The following KRT86 variants were observed in gnomAD, a reference collection of about 807,000 sequenced individuals.
KRT86 encodes the protein keratin, type II cuticular Hb6.
In KRT86, 30 loss-of-function variants were observed where a neutral mutation model predicts 41.2. That is an observed-to-expected ratio of 0.73 (90% CI 0.54 to 0.99). The LOEUF (loss-of-function observed/expected upper bound fraction) is 0.99, where lower values mean the gene tolerates loss of function less well. Among genes scored for constraint, KRT86 ranks in the 50% least tolerant of loss-of-function variants. The probability of loss-of-function intolerance (pLI) is 0.00; values close to 1 mark genes in which losing one functional copy is unlikely to be tolerated. For missense variants in KRT86, 561 were observed against 571.4 expected (o/e 0.98, Z 0.19); for synonymous variants, 238 against 238.1 (o/e 1.00, Z 0.00).
chr12:52,281,071 G>A (rs1211874053), intron 2 of KRT86, among the ~76,000 whole-genome samples: 1 of 152,198 alleles, frequency 6.6e-6, no homozygotes, highest in Non-Finnish European at 1.5e-5. Flanking sequence ...AGCAATGTTT[G>A]TGGTTTGGAG....
intron 2 of KRT86, among the ~76,000 whole-genome samples, chr12:52,282,609 G>A (rs1212310711): frequency 6.6e-6 from 1 of 152,222 alleles, no homozygotes; most frequent in Non-Finnish European, 1.5e-5. Context: ...CACCTGGAGT[G>A]AGAGTGACCA....
intron 2 of KRT86, chr12:52,277,621 C>G (rs912023341): frequency 1.3e-5 from 2 of 152,384 alleles, no homozygotes; most frequent in African/African-American, 4.8e-5. Context: ...GCGAGCTAAG[C>G]AGGATGTGAT....
At chr12:52,287,920 T>C in intron 2 of KRT86, 1 of 1,613,542 alleles carries the variant, frequency 6.2e-7, no homozygotes, top group Non-Finnish European at 8.5e-7. Flanking sequence ...GGAAGCCTAT[T>C]TAATAGATAT....
rs759097243 is a variant in KRT86 at position 52,308,582 on chromosome 12, C to T, written c.1458C>T (p.Cys486=). 6.3e-7 allele frequency: 1 copy of T among 1,596,832 alleles called. No homozygotes were observed. Among genetic ancestry groups the T allele is most frequent in the Non-Finnish European group, 8.5e-7 (1 of 1,179,112 alleles). Residue 486 remains cysteine, a synonymous_variant, in exon 11 of 11, where the codon TGC becomes TGT. Coordinates refer to ENST00000423955, the MANE Select transcript of KRT86 (RefSeq NM_001320198.2). ...TCTGCGGCGGCAGCTGTAAGAGGTG[C>T]TAGGAGGCTGCCGCCTCCGCCAGCG... ...VGVCGGSCKR[C] is the part of the protein sequence containing the mutation.
At position 52,283,731 on chromosome 12, in the gene KRT86, C is replaced by T. The variant is rs188397546; in HGVS notation, c.-5+7785C>T. Among the ~76,000 whole-genome samples, 292 of 151,648 alleles carry T rather than the reference C, an allele frequency of 1.9e-3. 1 individual carries two copies. The highest frequency in any genetic ancestry group is 1.8e-3 in the Non-Finnish European group (120 of 67,860). On this transcript the variant is annotated intron_variant, in intron 2 of 10. Transcript: ENST00000423955. ...CTGACCTCAGGTGATCTGCCCACCT[C>T]GGCCTCCCAAAGTGCTGGGATTACA...
At chr12:52,304,827 C>G in intron 5 of KRT86, 105 bp from the exon 6 acceptor site, 1 of 1,261,298 alleles carries the variant, frequency 7.9e-7, no homozygotes, top group East Asian at 2.3e-5. Flanking sequence ...GAATGAGACA[C>G]TGGGGACTCC....
chr12:52,291,647 A>G, intron 2 of KRT86: 1 of 870,808 alleles, frequency 1.1e-6, no homozygotes, highest in Non-Finnish European at 1.7e-6. Flanking sequence ...AGCCGGGTCT[A>G]ACGCCTCTCC....
Position 52,308,389 on chromosome 12 carries a change from C to T in KRT86, c.1280-15C>T, listed in dbSNP as rs1565751527. ...GGCTGCGCCTGACGCGCGCCTCCGT[C>T]TCTTTCCCCTGCAGGCGTCAGCAGC... On this transcript the variant is annotated splice_polypyrimidine_tract_variant and intron_variant, in intron 10 of 10. Transcript: ENST00000423955. The T allele has an allele frequency of 4.3e-6, 7 of 1,611,428 alleles. No homozygotes were observed. Among genetic ancestry groups the T allele is most frequent in the Non-Finnish European group, 5.9e-6 (7 of 1,179,364 alleles).
chr12:52,304,433 T>C (rs1335659162), intron 5 of KRT86, among the ~76,000 whole-genome samples: 6 of 139,776 alleles, frequency 4.3e-5, no homozygotes, highest in Non-Finnish European at 7.7e-5. Flanking sequence ...GTTCCAGAGG[T>C]TGTGGTCTAT....
chr12:52,282,621 A>G (rs919916152), intron 2 of KRT86, among the ~76,000 whole-genome samples: 4 of 152,208 alleles, frequency 2.6e-5, no homozygotes, highest in Admixed American at 2.6e-4. Context: ...GAGTGACCAT[A>G]GGGCAGGAGG....
chr12:52,292,200 C>T (rs1324094112), intron 2 of KRT86, among the ~76,000 whole-genome samples: 1 of 152,216 alleles, frequency 6.6e-6, no homozygotes, highest in Non-Finnish European at 1.5e-5. Flanking sequence ...TACCCCGATT[C>T]AACAGTTAAC....
At chr12:52,297,322 A>T (rs1336746117) in intron 2 of KRT86, among the ~76,000 whole-genome samples, 2 of 152,134 alleles carry the variant, frequency 1.3e-5, no homozygotes, top group Non-Finnish European at 2.9e-5. Context: ...ATGAATTTGG[A>T]TATGCTCTAC....
rs1335005945 is a variant in KRT86, at chr12:52,302,035, G to A, written c.119G>A (p.Gly40Asp). 5 of 1,609,798 alleles carry A rather than the reference G, an allele frequency of 3.1e-6. No individual in the cohort carries two copies. Among genetic ancestry groups the A allele is most frequent in the Middle Eastern group, 1.7e-4 (1 of 6,022 alleles). ...APYRGISCYRGLTGGFGSHSV... is the reference protein window; with the variant it reads ...APYRGISCYRDLTGGFGSHSV... ...TACCGTGGCATCTCCTGCTACCGCGGCCTCACCGGGGGCTTCGGCAGCCAC... is the reference window on the plus strand; with the variant it reads ...TACCGTGGCATCTCCTGCTACCGCGACCTCACCGGGGGCTTCGGCAGCCAC... Residue 40 changes from glycine (G) to aspartate (D), a missense_variant, in exon 3 of 11, where the codon GGC becomes GAC. This residue lies in a region of KRT86 where 164 missense variants were observed against 172.5 expected (regional missense o/e 0.95). Coordinates refer to ENST00000423955, the MANE Select transcript of KRT86 (RefSeq NM_001320198.2).
intron 2 of KRT86, chr12:52,287,203 C>T (rs1328879459): frequency 6.2e-7 from 1 of 1,613,862 alleles, no homozygotes; most frequent in African/African-American, 1.3e-5. Context: ...TCAGGCAGGC[C>T]ATGTCCTGCT....
chr12:52,287,333 C>T lies in KRT86; in HGVS notation c.-5+11387C>T, dbSNP rs1333095492. ...CTCCAGCTTGGAGTTCTGAAGAGAA[C>T]AGAAAGAACAAGGTAGATTAGAGTC... On this transcript the variant is annotated intron_variant, in intron 2 of 10. Coordinates refer to ENST00000423955, the MANE Select transcript of KRT86 (RefSeq NM_001320198.2). The T allele has an allele frequency of 2.5e-6, 4 of 1,613,964 alleles. No individual in the cohort carries two copies. The East Asian group carries it at 6.7e-5, about 27-fold the overall frequency.
intron 2 of KRT86, among the ~76,000 whole-genome samples, chr12:52,297,710 TA>T (rs528710805): frequency 4.0e-4 from 61 of 152,212 alleles, no homozygotes; most frequent in Non-Finnish European, 8.1e-4. Flanking sequence ...CACTGCAGAA[TA>T]AGAAGTGTCT....
chr12:52,291,705 AG>A (rs1279575177), intron 2 of KRT86, among the ~76,000 whole-genome samples: 2 of 152,156 alleles, frequency 1.3e-5, no homozygotes, highest in Non-Finnish European at 2.9e-5. Context: ...TCTTTGTAAA[AG>A]ATGTCAGTCT....
intron 10 of KRT86, 50 bp from the exon 11 acceptor site, chr12:52,308,354 C>T (rs750090956): frequency 1.1e-5 from 17 of 1,612,174 alleles, no homozygotes; most frequent in Non-Finnish European, 1.4e-5. Context: ...AAGCCACTCA[C>T]CCAGGTCGCG....
chr12:52,305,372 C>T lies in KRT86; in HGVS notation c.868C>T (p.Arg290Trp), dbSNP rs762794979. 1.3e-5 allele frequency: 21 copies of T among 1,614,098 alleles called. No homozygotes were observed. The highest frequency in any genetic ancestry group is 4.5e-5 in the East Asian group (2 of 44,888). Reference protein sequence around the residue: ...AQYDDIVTRSRAEAESWYRSK... With the variant: ...AQYDDIVTRSWAEAESWYRSK... ...GTACGATGACATTGTCACCCGTAGC[C>T]GGGCTGAGGCCGAGTCCTGGTACCG... The change falls in exon 7 of 11, where the codon CGG becomes TGG. Residue 290 changes from arginine to tryptophan, a missense_variant. Coordinates refer to ENST00000423955, the MANE Select transcript of KRT86 (RefSeq NM_001320198.2).
Sources: gnomAD v4.1 joint callset for allele counts (sites outside exome capture counted in the v4.1 genomes callset) on GRCh38, gnomAD v4.1.1 for gene constraint, gnomAD v4.1.1 regional missense constraint, MANE v1.5 for transcripts, NCBI Gene and HGNC (gene_info 2026-07-23, HGNC 2026-07-21) for gene names.